The following SEMA6B variants were observed in gnomAD, a reference collection of about 807,000 sequenced individuals.
The protein encoded by SEMA6B is semaphorin 6B, also known as semaphorin-6B.
A neutral mutation model predicts 78.6 loss-of-function variants in SEMA6B; 47 were observed. That is an observed-to-expected ratio of 0.60 (90% CI 0.47 to 0.76). SEMA6B has a LOEUF of 0.76. Ranked by LOEUF, SEMA6B falls within the 30% of genes least tolerant of loss-of-function variation. The pLI, the probability that SEMA6B is intolerant of heterozygous loss-of-function variation, is 0.00. For missense variants in SEMA6B, 1,213 were observed against 1,269.9 expected, an observed-to-expected ratio of 0.96 and a Z score of 0.68; for synonymous variants, 632 against 592.2, an observed-to-expected ratio of 1.07 and a Z score of -0.98.
rs1431171731 is a variant in SEMA6B, at chr19:4,548,335, G to A, written c.1382C>T (p.Pro461Leu). The A allele has an allele frequency of 2.5e-6, 4 of 1,613,898 alleles. No homozygotes were observed. Among genetic ancestry groups the A allele is most frequent in the Non-Finnish European group, 2.5e-6 (3 of 1,180,012 alleles). Residue 461 changes from proline (P) to leucine (L), a missense_variant, in exon 13 of 17, where the codon CCC becomes CTC. Physicochemically the swap from Pro to Leu is moderately conservative, Grantham distance 98 (BLOSUM62 -3). Coordinates refer to ENST00000586582, the MANE Select transcript of SEMA6B (RefSeq NM_032108.4). Reference protein sequence around the residue: ...AGTVLKFLVRPNASTSGTSGL... With the variant: ...AGTVLKFLVRLNASTSGTSGL... ...AGACGTCCCTGAGGTGCTGGCATTGGGCCGGACGAGGAACTTGAGGACCGT... is the reference window on the plus strand; with the variant it reads ...AGACGTCCCTGAGGTGCTGGCATTGAGCCGGACGAGGAACTTGAGGACCGT...
rs373793824 is a variant in SEMA6B, at chr19:4,550,778, C to G, written c.1121+21G>C. 1.8e-4 allele frequency: 286 copies of G among 1,612,326 alleles called. No homozygotes were observed. Among genetic ancestry groups the G allele is most frequent in the Non-Finnish European group, 2.3e-4 (269 of 1,179,578 alleles). ...CAGGACCTCATCCGGGCATGTGACT[C>G]AGGATGGAGGGGGTTCTCACCGGGG... On this transcript the variant is annotated intron_variant, in intron 11 of 16. Coordinates refer to ENST00000586582, the MANE Select transcript of SEMA6B (RefSeq NM_032108.4). This position sits in a 1 kb window ranked among gnomAD's most constrained non-coding sequence, Gnocchi z 6.6.
chr19:4,550,167 C>T lies in SEMA6B; in HGVS notation c.1227G>A (p.Val409=). 1 of 1,613,862 alleles carries T rather than the reference C, an allele frequency of 6.2e-7. No individual in the cohort carries two copies. Among genetic ancestry groups the T allele is most frequent in the Non-Finnish European group, 8.5e-7 (1 of 1,180,010 alleles). ...TCCAGGGCGCATGGCCCAGCGAGGGCACCGCCTCGTCCATCAGAGGGTGGG... is the reference window on the plus strand; with the variant it reads ...TCCAGGGCGCATGGCCCAGCGAGGGTACCGCCTCGTCCATCAGAGGGTGGG... ...VKTHPLMDEA[V]PSLGHAPWIL... Residue 409 remains valine (V), a synonymous_variant, in exon 12 of 17, where the codon GTG becomes GTA. Coordinates refer to ENST00000586582, the MANE Select transcript of SEMA6B (RefSeq NM_032108.4). This position sits in a 1 kb window ranked among gnomAD's most constrained non-coding sequence, Gnocchi z 6.6.
At chr19:4,553,225 G>T (rs796544379) in intron 9 of SEMA6B, among the ~76,000 whole-genome samples, 92 of 152,306 alleles carry the variant, frequency 6.0e-4, no homozygotes, top group Middle Eastern at 3.4e-3. Context: ...TGGGTGGATG[G>T]ATGAACAGAT....
chr19:4,548,534 C>T, intron 12 of SEMA6B, 89 bp from the exon 13 acceptor site: 2 of 1,179,764 alleles, frequency 1.7e-6, no homozygotes, highest in Non-Finnish European at 2.4e-6. Context: ...CGGGTGCATA[C>T]AGACACTGAC....
chr19:4,555,207 T>C lies in SEMA6B; in HGVS notation c.563-112A>G. The stretch of plus-strand genomic sequence containing the variant: ...TGAGTCCTGAGCCTAGGGGAGCCCC[T>C]GTCTCCAGGCTGAGCCCTGATCCCA... On this transcript the variant is annotated intron_variant, in intron 7 of 16. Transcript: ENST00000586582. The surrounding 1 kb of genome is among the most constrained non-coding windows in gnomAD (Gnocchi z 6.1). 8.4e-7 allele frequency: 1 copy of C among 1,194,280 alleles called. No individual in the cohort carries two copies. The allele number at this position is 1,194,280 out of a possible 1,614,324, so 74.0% of individuals were successfully genotyped here.
chr19:4,546,333 G>A (rs1599773830), intron 15 of SEMA6B, 59 bp from the exon 16 acceptor site: 1 of 1,600,560 alleles, frequency 6.2e-7, no homozygotes, highest in Non-Finnish European at 8.5e-7. Context: ...AGATCAGGGG[G>A]ATCTGGGATC....
At chr19:4,546,335 T>C in intron 15 of SEMA6B, 57 bp downstream of exon 15, 2 of 1,600,430 alleles carry the variant, frequency 1.2e-6, no homozygotes, top group East Asian at 4.5e-5. Flanking sequence ...ATCAGGGGGA[T>C]CTGGGATCAT....
chr19:4,556,757 G>A (rs1287059305), intron 5 of SEMA6B, among the ~76,000 whole-genome samples, 194 bp downstream of exon 5: 7 of 151,268 alleles, frequency 4.6e-5, no homozygotes, highest in Admixed American at 4.6e-4. Flanking sequence ...CAATTGGGTG[G>A]GGACGTGGAC....
rs540137889 is a variant in SEMA6B at position 4,556,333 on chromosome 19, G to C, written c.370-244C>G. Reference sequence around the variant, plus strand: ...GACTGTGGGCATAACCATGGCAATAGCAGAGTCCTAACCTGGGATGGAGGA... The same window carrying C: ...GACTGTGGGCATAACCATGGCAATACCAGAGTCCTAACCTGGGATGGAGGA... On this transcript the variant is annotated intron_variant, in intron 5 of 16. Coordinates refer to ENST00000586582, the MANE Select transcript of SEMA6B (RefSeq NM_032108.4). Among the ~76,000 whole-genome samples, 6 of 152,294 alleles carry C rather than the reference G, an allele frequency of 3.9e-5. 1 individual carries two copies. In the South Asian group the frequency reaches 8.3e-4, roughly 21 times the overall value.
chr19:4,557,374 C>G (rs910054055), intron 3 of SEMA6B, 151 bp from the exon 4 acceptor site: 39 of 618,346 alleles, frequency 6.3e-5, no homozygotes, highest in African/African-American at 1.8e-4. Flanking sequence ...CCACACCCCC[C>G]CAAGGGCCCC....
Position 4,558,378 on chromosome 19 carries a change from A to G in SEMA6B, c.80T>C (p.Phe27Ser). ...GCTAAGCGGCGGCGGCTCCTCAGGA[A>G]AGAGGCCGTGGGCGCCCCCCAGTAG... Reference protein sequence around the residue: ...LLLLGGAHGLFPEEPPPLSVA... With the variant: ...LLLLGGAHGLSPEEPPPLSVA... The change falls in exon 2 of 17, where the codon TTT (phenylalanine) becomes TCT (serine). Residue 27 changes from phenylalanine to serine, a missense_variant. By Grantham distance (155) the Phe-to-Ser change is radical. Transcript: ENST00000586582. The surrounding 1 kb of genome is among the most constrained non-coding windows in gnomAD (Gnocchi z 5.1). 3.1e-6 allele frequency: 4 copies of G among 1,289,952 alleles called. No homozygotes were observed. The highest frequency in any genetic ancestry group is 4.0e-6 in the Non-Finnish European group (4 of 1,010,228). The allele number at this position is 1,289,952 out of a possible 1,614,324, so 79.9% of individuals were successfully genotyped here.
Position 4,542,957 on chromosome 19 carries a change from A to T in SEMA6B, c.*644T>A, listed in dbSNP as rs1447937418. The stretch of plus-strand genomic sequence containing the variant: ...CCTCGGAGACCCCCGGGCCTTCTGG[A>T]AGCCCCAGCGTCGGCTCAGCCAACG... On this transcript the variant is annotated 3_prime_UTR_variant, in exon 17 of 17. Coordinates refer to ENST00000586582, the MANE Select transcript of SEMA6B (RefSeq NM_032108.4). 1 of 700,302 alleles carries T rather than the reference A, an allele frequency of 1.4e-6. No homozygotes were observed. The highest frequency in any genetic ancestry group is 2.6e-6 in the Non-Finnish European group (1 of 384,648). The allele number at this position is 700,302 out of a possible 1,614,324, so 43.4% of individuals were successfully genotyped here.
In SEMA6B at chr19:4,558,022, A is replaced by G; in HGVS notation, c.245+4T>C. ...ACAGGCCTCCTTGCTGTCCCCAGCA[A>G]TACCTGTCCCCAATGAACAGCGTCC... On this transcript the variant is annotated splice_donor_region_variant and intron_variant, in intron 3 of 16. Transcript: ENST00000586582. This position sits in a 1 kb window ranked among gnomAD's most constrained non-coding sequence, Gnocchi z 5.1. 1 of 1,431,556 alleles carries G rather than the reference A, an allele frequency of 7.0e-7. No individual in the cohort carries two copies. Among genetic ancestry groups the G allele is most frequent in the Admixed American group, 2.4e-5 (1 of 41,510 alleles). 88.7% of individuals were successfully genotyped at this position (1,431,556 alleles called of 1,614,324 possible). A position where few individuals can be genotyped will look rare whatever the true frequency, so the allele number is the denominator to read the frequency against.
Position 4,544,625 on chromosome 19 carries a change from T to C in SEMA6B, c.1739-96A>G. On this transcript the variant is annotated intron_variant, in intron 16 of 16. Coordinates refer to ENST00000586582, the MANE Select transcript of SEMA6B (RefSeq NM_032108.4). The surrounding 1 kb of genome is among the most constrained non-coding windows in gnomAD (Gnocchi z 5.1). ...GGCCCTCTGTCCTCTTTTTTATTAT[T>C]TTTATTTTTTTTTATTTATTTATTT... 1 of 613,902 alleles carries C rather than the reference T, an allele frequency of 1.6e-6. No individual in the cohort carries two copies. The highest frequency in any genetic ancestry group is 2.4e-6 in the Non-Finnish European group (1 of 419,188). The allele number at this position is 613,902 out of a possible 1,614,324, so 38.0% of individuals were successfully genotyped here.
Position 4,550,030 on chromosome 19 carries a change from A to T in SEMA6B, c.1271+93T>A. ...AGCTCTCTGGGCAGCGCCGGAAGCCATGGGCTCATCTGTGTTGAGCATCTG... is the reference window on the plus strand; with the variant it reads ...AGCTCTCTGGGCAGCGCCGGAAGCCTTGGGCTCATCTGTGTTGAGCATCTG... On this transcript the variant is annotated intron_variant, in intron 12 of 16. Transcript: ENST00000586582. This position sits in a 1 kb window ranked among gnomAD's most constrained non-coding sequence, Gnocchi z 6.6. 7.6e-7 allele frequency: 1 copy of T among 1,310,680 alleles called. No homozygotes were observed. The highest frequency in any genetic ancestry group is 1.1e-6 in the Non-Finnish European group (1 of 936,542). The allele number at this position is 1,310,680 out of a possible 1,614,324, so 81.2% of individuals were successfully genotyped here. A position where few individuals can be genotyped will look rare whatever the true frequency, so the allele number is the denominator to read the frequency against.
intron 10 of SEMA6B, 137 bp from the exon 11 acceptor site, chr19:4,551,067 G>A (rs939083936): frequency 2.2e-5 from 21 of 965,828 alleles, no homozygotes; most frequent in Middle Eastern, 3.3e-4. Context: ...TGTCCCTCCC[G>A]CATCTGTCGA....
At chr19:4,554,280 G>T in intron 9 of SEMA6B, 108 bp downstream of exon 9, 1 of 860,140 alleles carries the variant, frequency 1.2e-6, no homozygotes, top group East Asian at 2.6e-5. Context: ...ACCAGAAATG[G>T]AGGGCAGGAC....
chr19:4,550,073 T>A lies in SEMA6B; in HGVS notation c.1271+50A>T. On this transcript the variant is annotated intron_variant, in intron 12 of 16. Transcript: ENST00000586582. This position sits in a 1 kb window ranked among gnomAD's most constrained non-coding sequence, Gnocchi z 6.6. ...AGCATCTGGATCCTCTCACCCTCCA[T>A]CTACCCCATCCTGTCTCCCCTCGCC... 1 of 1,593,614 alleles carries A rather than the reference T, an allele frequency of 6.3e-7. No individual in the cohort carries two copies. The highest frequency in any genetic ancestry group is 8.6e-7 in the Non-Finnish European group (1 of 1,165,522).
chr19:4,543,680 C>T lies in SEMA6B; in HGVS notation c.2588G>A (p.Cys863Tyr). 2 of 1,230,590 alleles carry T rather than the reference C, an allele frequency of 1.6e-6. No homozygotes were observed. The highest frequency in any genetic ancestry group is 2.0e-6 in the Non-Finnish European group (2 of 987,146). 76.2% of individuals were successfully genotyped at this position (1,230,590 alleles called of 1,614,324 possible). Reference sequence around the variant, plus strand: ...CAAGTCTGTGCCCGGCCGGGCGTGGCAGCCGCGGTGGCGGTCCCCAGGCCG... The same window carrying T: ...CAAGTCTGTGCCCGGCCGGGCGTGGTAGCCGCGGTGGCGGTCCCCAGGCCG... ...EARPGDRHRG[C>Y]HARPGTDLAH... Residue 863 changes from cysteine to tyrosine, a missense_variant, in exon 17 of 17, where the codon TGC (cysteine) becomes TAC (tyrosine). By Grantham distance (194) the Cys-to-Tyr change is radical (BLOSUM62 -2). Transcript: ENST00000586582.
Sources: gnomAD v4.1 joint callset for allele counts (sites outside exome capture counted in the v4.1 genomes callset) on GRCh38, gnomAD v4.1.1 for gene constraint, Gnocchi (gnomAD v3.1) non-coding constraint, MANE v1.5 for transcripts, NCBI Gene and HGNC (gene_info 2026-07-23, HGNC 2026-07-21) for gene names.